Variants in RASSF3 observed in about 807,000 individuals in gnomAD.
The protein encoded by RASSF3 is ras association domain-containing protein 3.
A neutral mutation model predicts 19.9 loss-of-function variants in RASSF3; 19 were observed. The ratio of observed to expected loss-of-function variants is 0.96; its 90% CI spans 0.67 to 1.40. RASSF3 has a LOEUF of 1.40. Among genes scored for constraint, RASSF3 ranks in the 40% most tolerant of loss-of-function variants. RASSF3 has a pLI of 0.00. For synonymous variants in RASSF3, 110 were observed against 104.2 expected (o/e 1.06, Z -0.34); for missense variants, 306 against 289.8 (o/e 1.06, Z -0.41).
intron 1 of RASSF3, among the ~76,000 whole-genome samples, chr12:64,657,170 T>C (rs1486502614): frequency 6.6e-6 from 1 of 151,930 alleles, no homozygotes; most frequent in East Asian, 1.9e-4. Context: ...CGCCACCACG[T>C]CTGGCTAATT....
intron 1 of RASSF3, among the ~76,000 whole-genome samples, chr12:64,664,874 A>G (rs1872495907): frequency 6.6e-6 from 1 of 152,196 alleles, no homozygotes; most frequent in Non-Finnish European, 1.5e-5. Flanking sequence ...AGGAATATGG[A>G]TCCTATTATT....
At chr12:64,640,513 G>A (rs1433810254) in intron 1 of RASSF3, among the ~76,000 whole-genome samples, 1 of 151,894 alleles carries the variant, frequency 6.6e-6, no homozygotes, top group East Asian at 1.9e-4. Flanking sequence ...TTTATAAGTT[G>A]GATTATTTTA....
intron 2 of RASSF3, among the ~76,000 whole-genome samples, chr12:64,574,495 C>T (rs1303704719): frequency 6.6e-6 from 1 of 152,104 alleles, no homozygotes; most frequent in African/African-American, 2.4e-5. Context: ...GCAATGCCCT[C>T]AATCATGGGC....
intron 2 of RASSF3, among the ~76,000 whole-genome samples, chr12:64,595,622 T>C (rs1253318508): frequency 6.6e-6 from 1 of 152,192 alleles, no homozygotes; most frequent in Non-Finnish European, 1.5e-5. Flanking sequence ...TAGGCCTCCA[T>C]GTACAGAACC....
At position 64,507,760 on chromosome 12, in the gene RASSF3, T is replaced by A. The variant is rs1339994949; in HGVS notation, c.169+431T>A. 2.6e-5 allele frequency among the ~76,000 whole-genome samples: 4 copies of A among 152,204 alleles called. No individual in the cohort carries two copies. The East Asian group carries it at 7.7e-4, about 29-fold the overall frequency. ...TTCCATAGAAAACTAAAAAGGTCAGTGGGCCTTAAATCTCTTTTATTTGGG... is the reference window on the plus strand; with the variant it reads ...TTCCATAGAAAACTAAAAAGGTCAGAGGGCCTTAAATCTCTTTTATTTGGG... On this transcript the variant is annotated intron_variant, in intron 1 of 5. Coordinates refer to the RASSF3 transcript ENST00000637125.
At chr12:64,544,115 C>T (rs1022759955), downstream of RASSF3, among the ~76,000 whole-genome samples, 1 of 152,104 alleles carries the variant, frequency 6.6e-6, no homozygotes, top group South Asian at 2.1e-4. Flanking sequence ...TAGGTGTTTG[C>T]AATAAATCCT....
chr12:64,657,027 T>C (rs111915300), intron 1 of RASSF3, among the ~76,000 whole-genome samples: 5 of 150,800 alleles, frequency 3.3e-5, no homozygotes, highest in African/African-American at 9.8e-5. Flanking sequence ...TTTTTTTTTT[T>C]CAGACAGAGT....
chr12:64,649,261 C>T (rs1452973320), intron 1 of RASSF3, among the ~76,000 whole-genome samples: 2 of 151,388 alleles, frequency 1.3e-5, no homozygotes, highest in South Asian at 2.1e-4. Flanking sequence ...GGCGCGATCT[C>T]GGCTCACTGC....
chr12:64,664,207 G>A (rs1872471940), intron 1 of RASSF3, among the ~76,000 whole-genome samples: 1 of 152,046 alleles, frequency 6.6e-6, no homozygotes, highest in Non-Finnish European at 1.5e-5. Flanking sequence ...TTTGCCTTTG[G>A]AGTGGTACTA....
upstream of RASSF3, among the ~76,000 whole-genome samples, chr12:64,533,009 G>C (rs181132003): frequency 6.6e-6 from 1 of 152,230 alleles, no homozygotes; most frequent in Non-Finnish European, 1.5e-5. Context: ...CAACACTGCC[G>C]TCTCAGAGAC....
At chr12:64,525,129 A>C (rs1281906326) in intron 1 of RASSF3, among the ~76,000 whole-genome samples, 2 of 152,170 alleles carry the variant, frequency 1.3e-5, no homozygotes, top group East Asian at 3.9e-4. Flanking sequence ...TACAAAAATT[A>C]GCCAGGCGTG....
chr12:64,618,381 C>G (rs1870624474), intron 1 of RASSF3, among the ~76,000 whole-genome samples: 1 of 152,160 alleles, frequency 6.6e-6, no homozygotes, highest in Non-Finnish European at 1.5e-5. Context: ...GGCTGGAGTG[C>G]AGTGGCGTGA....
chr12:64,691,011 C>T (rs1868271654), intron 3 of RASSF3, among the ~76,000 whole-genome samples: 1 of 152,118 alleles, frequency 6.6e-6, no homozygotes, highest in Admixed American at 6.5e-5. Flanking sequence ...CAGGTGCCCG[C>T]CACCACGCCC....
At chr12:64,511,650 AG>A (rs1417238031) in intron 1 of RASSF3, among the ~76,000 whole-genome samples, 1 of 152,178 alleles carries the variant, frequency 6.6e-6, no homozygotes, top group Non-Finnish European at 1.5e-5. Context: ...TTCTGTGGTA[AG>A]GACATCACTT....
chr12:64,586,063 G>A (rs1869793008), intron 2 of RASSF3, among the ~76,000 whole-genome samples: 1 of 151,994 alleles, frequency 6.6e-6, no homozygotes, highest in Non-Finnish European at 1.5e-5. Context: ...GGTGGCTCAC[G>A]CCTGTAATCC....
chr12:64,560,248 A>G (rs1038378909), intron 2 of RASSF3, among the ~76,000 whole-genome samples: 1 of 152,190 alleles, frequency 6.6e-6, no homozygotes, highest in Non-Finnish European at 1.5e-5. Flanking sequence ...TTAGCTGAGC[A>G]TTTAGGCATC....
chr12:64,526,379 A>G (rs1371686469), intron 1 of RASSF3, among the ~76,000 whole-genome samples: 1 of 152,128 alleles, frequency 6.6e-6, no homozygotes, highest in African/African-American at 2.4e-5. Flanking sequence ...AACTATAGTC[A>G]CTATGTTGTA....
intron 4 of RASSF3, among the ~76,000 whole-genome samples, 158 bp downstream of exon 4, chr12:64,691,737 G>GAGGGCAGGGGGATGGGAAGAGC (rs1555217324): frequency 6.6e-6 from 1 of 151,696 alleles, no homozygotes. Context: ...CAGGGAGAGG[G>GAGGGCAGGGGGATGGGAAGAGC]AGAGGGATTT....
At chr12:64,602,963 G>A (rs1050423224) in intron 2 of RASSF3, among the ~76,000 whole-genome samples, 4 of 152,124 alleles carry the variant, frequency 2.6e-5, no homozygotes, top group African/African-American at 4.8e-5. Context: ...GCTGGGCGTG[G>A]TGGCAGGCAC....
Sources: gnomAD v4.1 joint callset for allele counts (sites outside exome capture counted in the v4.1 genomes callset) on GRCh38, gnomAD v4.1.1 for gene constraint, MANE v1.5 for transcripts, NCBI Gene and HGNC (gene_info 2026-07-23, HGNC 2026-07-21) for gene names.